The following GLDC variants were observed in gnomAD, a reference collection of about 807,000 sequenced individuals.
The protein encoded by GLDC is glycine dehydrogenase (decarboxylating), mitochondrial.
In GLDC, 104 loss-of-function variants were observed where a neutral mutation model predicts 121.3. The observed-to-expected ratio is 0.86, with a 90% confidence interval of 0.73 to 1.01. GLDC has a LOEUF of 1.01. Among genes scored for constraint, GLDC ranks in the 50% least tolerant of loss-of-function variants. The pLI, the probability that GLDC is intolerant of heterozygous loss-of-function variation, is 0.00. For synonymous variants in GLDC, 546 were observed against 480.6 expected, an observed-to-expected ratio of 1.14 and a Z score of -1.78; for missense variants, 1,429 against 1,306.6, an observed-to-expected ratio of 1.09 and a Z score of -1.44.
intron 8 of GLDC, among the ~76,000 whole-genome samples, chr9:6,601,148 G>A (rs1212001702): frequency 2.6e-5 from 4 of 152,134 alleles, no homozygotes; most frequent in Non-Finnish European, 4.4e-5. Flanking sequence ...ACTCCAGCCT[G>A]GGCGACAGAG....
Position 6,605,217 on chromosome 9 carries a change from C to A in GLDC, c.775G>T (p.Val259Phe), listed in dbSNP as rs766944621. The change falls in exon 6 of 25, where the codon GTC becomes TTC. Residue 259 changes from valine (V) to phenylalanine (F), a missense_variant. Physicochemically the swap from Val to Phe is conservative, Grantham distance 50 (BLOSUM62 -1). Transcript: ENST00000321612. ...GGGTACTGGAACAACACTCCACTGA[C>A]ATCTTTTCCACTGAAGTCCATTTCA... ...PCEMDFSGKD[V>F]SGVLFQYPDT... 6.2e-7 allele frequency: 1 copy of A among 1,613,632 alleles called. No homozygotes were observed.
chr9:6,552,566 TAAAC>T (rs1458463781), intron 20 of GLDC, among the ~76,000 whole-genome samples: 1 of 152,142 alleles, frequency 6.6e-6, no homozygotes, highest in African/African-American at 2.4e-5. Flanking sequence ...GTTCCAGAAA[TAAAC>T]AGTCAGCTCC....
chr9:6,563,093 G>A (rs1209397327), intron 16 of GLDC, among the ~76,000 whole-genome samples: 1 of 152,178 alleles, frequency 6.6e-6, no homozygotes, highest in Non-Finnish European at 1.5e-5. Context: ...GGGTGGAGAA[G>A]GGAAGGAGGA....
chr9:6,534,067 C>G (rs1478240599), intron 24 of GLDC: 2 of 151,864 alleles, frequency 1.3e-5, no homozygotes, highest in African/African-American at 4.9e-5. Flanking sequence ...AAAAAATTAC[C>G]CGGGCATGGT....
At chr9:6,535,086 C>T (rs911485324) in intron 23 of GLDC, among the ~76,000 whole-genome samples, 3 of 152,160 alleles carry the variant, frequency 2.0e-5, no homozygotes, top group Non-Finnish European at 2.9e-5. Flanking sequence ...ATCCCCATCC[C>T]AGTGCTAACC....
intron 22 of GLDC, among the ~76,000 whole-genome samples, chr9:6,537,093 C>A (rs1817143912): frequency 1.3e-5 from 2 of 150,062 alleles, no homozygotes; most frequent in African/African-American, 2.5e-5. Context: ...TGCACTGGCA[C>A]ACTCACGGCT....
chr9:6,547,029 T>A (rs925252236), intron 21 of GLDC, among the ~76,000 whole-genome samples: 1 of 152,078 alleles, frequency 6.6e-6, no homozygotes, highest in Non-Finnish European at 1.5e-5. Flanking sequence ...ACCAGCAGCA[T>A]AGTCTTTATC....
intron 3 of GLDC, among the ~76,000 whole-genome samples, chr9:6,615,490 G>C (rs181123056): frequency 1.3e-5 from 2 of 151,880 alleles, no homozygotes; most frequent in Non-Finnish European, 2.9e-5. Flanking sequence ...GCTGAGGCAG[G>C]AGGATTACGT....
chr9:6,539,558 G>A (rs1449014725), intron 22 of GLDC, among the ~76,000 whole-genome samples: 1 of 152,180 alleles, frequency 6.6e-6, no homozygotes, highest in Non-Finnish European at 1.5e-5. Flanking sequence ...AGTGAGCTGA[G>A]CTGAATGAAC....
intron 21 of GLDC, among the ~76,000 whole-genome samples, chr9:6,543,181 G>C (rs1402915444): frequency 6.6e-6 from 1 of 152,074 alleles, no homozygotes; most frequent in Non-Finnish European, 1.5e-5. Context: ...AGGCTGAGGT[G>C]GGAGAATCGC....
At chr9:6,547,027 C>T (rs1439681549) in intron 21 of GLDC, among the ~76,000 whole-genome samples, 2 of 151,944 alleles carry the variant, frequency 1.3e-5, no homozygotes, top group Non-Finnish European at 2.9e-5. Context: ...AAACCAGCAG[C>T]ATAGTCTTTA....
In GLDC at chr9:6,620,044, G is replaced by A. The variant is rs532552831; in HGVS notation, c.470+140C>T. 1,148 of 816,344 alleles carry A rather than the reference G, an allele frequency of 1.4e-3. 14 individuals are homozygous for A. The South Asian group carries it at 0.015, about 11-fold the overall frequency. The allele number at this position is 816,344 out of a possible 1,614,324, so 50.6% of individuals were successfully genotyped here. A position where few individuals can be genotyped will look rare whatever the true frequency, so the allele number is the denominator to read the frequency against. On this transcript the variant is annotated intron_variant, in intron 3 of 24. Coordinates refer to ENST00000321612, the MANE Select transcript of GLDC (RefSeq NM_000170.3). ...AACATTTCTCGATCCAGAGAAACCC[G>A]GTAGGTTCCCGGACATTGGAGACAG...
chr9:6,561,442 A>G (rs1263550224), intron 16 of GLDC, among the ~76,000 whole-genome samples: 1 of 152,174 alleles, frequency 6.6e-6, no homozygotes, highest in Admixed American at 6.5e-5. Context: ...TGAGGCCAGG[A>G]GTTCAAGACC....
intron 14 of GLDC, among the ~76,000 whole-genome samples, chr9:6,587,896 T>G (rs1244307182): frequency 6.6e-6 from 1 of 151,884 alleles, no homozygotes; most frequent in Non-Finnish European, 1.5e-5. Context: ...ACGTAAGAAA[T>G]GAAAGAAAGA....
intron 11 of GLDC, 92 bp from the exon 12 acceptor site, chr9:6,589,384 C>T (rs188999701): frequency 2.7e-6 from 2 of 734,352 alleles, no homozygotes; most frequent in East Asian, 5.0e-5. Flanking sequence ...CCACAAAGCA[C>T]TCAAAATGGA....
intron 3 of GLDC, among the ~76,000 whole-genome samples, chr9:6,618,942 G>A (rs1489854386): frequency 6.6e-6 from 1 of 151,886 alleles, no homozygotes; most frequent in Non-Finnish European, 1.5e-5. Context: ...AGGAGTTCAA[G>A]ACCAGCCTGG....
intron 3 of GLDC, among the ~76,000 whole-genome samples, chr9:6,618,375 T>G (rs1027470597): frequency 2.6e-5 from 4 of 152,156 alleles, no homozygotes; most frequent in African/African-American, 9.7e-5. Flanking sequence ...TGCTGCGATC[T>G]TGGCTCACCA....
At chr9:6,626,847 C>T (rs1819253038) in intron 2 of GLDC, among the ~76,000 whole-genome samples, 1 of 152,170 alleles carries the variant, frequency 6.6e-6, no homozygotes, top group Non-Finnish European at 1.5e-5. Flanking sequence ...TGCCCCATGT[C>T]CTCAAACAGT....
At chr9:6,547,698 G>A (rs1168745031) in intron 21 of GLDC, among the ~76,000 whole-genome samples, 1 of 152,102 alleles carries the variant, frequency 6.6e-6, no homozygotes, top group Non-Finnish European at 1.5e-5. Flanking sequence ...TGTAATAAAT[G>A]CAAACAAAGG....
Sources: allele counts gnomAD v4.1 joint callset (sites outside exome capture counted in the v4.1 genomes callset), GRCh38; gene constraint gnomAD v4.1.1; transcripts MANE v1.5; gene names NCBI Gene and HGNC (gene_info 2026-07-23, HGNC 2026-07-21).